TRAPPC9: variants seen among roughly 807,000 people sequenced by gnomAD.
The protein encoded by TRAPPC9 is IKK2 binding protein.
A neutral mutation model predicts 124.0 loss-of-function variants in TRAPPC9; 83 were observed. The ratio of observed to expected loss-of-function variants is 0.67; its 90% CI spans 0.56 to 0.80. TRAPPC9 has a LOEUF of 0.80. Ranked by LOEUF, TRAPPC9 falls within the 30% of genes least tolerant of loss-of-function variation. The pLI is 0.00. For synonymous variants in TRAPPC9, 638 were observed against 617.5 expected, an observed-to-expected ratio of 1.03 and a Z score of -0.49; for missense variants, 1,302 against 1,508.3, an observed-to-expected ratio of 0.86 and a Z score of 2.27.
chr8:140,272,244 G>T, intron 15 of TRAPPC9, among the ~76,000 whole-genome samples: 1 of 146,324 alleles, frequency 6.8e-6, no homozygotes, highest in African/African-American at 2.6e-5. Context: ...GTAGTGGTGG[G>T]GGTGGGGGTT....
At chr8:140,213,127 T>G (rs2063104647) in intron 17 of TRAPPC9, among the ~76,000 whole-genome samples, 1 of 151,990 alleles carries the variant, frequency 6.6e-6, no homozygotes, top group Non-Finnish European at 1.5e-5. Context: ...ATCTTCTTTT[T>G]TGTTGACTTT....
intron 17 of TRAPPC9, among the ~76,000 whole-genome samples, chr8:140,119,069 C>T (rs1470994798): frequency 1.3e-5 from 2 of 152,252 alleles, no homozygotes; most frequent in Non-Finnish European, 2.9e-5. Context: ...ATGTAAGCAT[C>T]TGCAGGAGAC....
chr8:140,412,382 C>T (rs939290006), intron 5 of TRAPPC9, among the ~76,000 whole-genome samples: 5 of 152,138 alleles, frequency 3.3e-5, no homozygotes, highest in African/African-American at 7.2e-5. Flanking sequence ...CACTAAATGC[C>T]GTGTGTGATC....
intron 18 of TRAPPC9, among the ~76,000 whole-genome samples, chr8:140,022,349 G>A (rs1006585289): frequency 6.6e-6 from 1 of 152,152 alleles, no homozygotes; most frequent in Non-Finnish European, 1.5e-5. Context: ...GCAGGGAAAA[G>A]AACCACGGAA....
chr8:140,200,492 C>A (rs547080541), intron 17 of TRAPPC9, among the ~76,000 whole-genome samples: 1 of 152,044 alleles, frequency 6.6e-6, no homozygotes, highest in Non-Finnish European at 1.5e-5. Flanking sequence ...CAAACACGAC[C>A]CCGGCCAGGC....
rs550614241 is a variant in TRAPPC9 at position 140,397,403 on chromosome 8, T to A, written c.1134+217A>T. 5.3e-5 allele frequency among the ~76,000 whole-genome samples: 8 copies of A among 151,492 alleles called. No individual in the cohort carries two copies. The East Asian group carries it at 7.8e-4, about 15-fold the overall frequency. Reference sequence around the variant, plus strand: ...TTCTCCAAAAAACAAACAAAAAAAATGCAAAGGACAGCAAGTTCTGAATTT... The same window carrying A: ...TTCTCCAAAAAACAAACAAAAAAAAAGCAAAGGACAGCAAGTTCTGAATTT... On this transcript the variant is annotated intron_variant, in intron 7 of 22. Transcript: ENST00000438773.
intron 7 of TRAPPC9, among the ~76,000 whole-genome samples, chr8:140,381,440 G>A (rs1276459932): frequency 6.6e-6 from 1 of 151,964 alleles, no homozygotes; most frequent in Non-Finnish European, 1.5e-5. Context: ...GGCCAAGGTG[G>A]GCGGATCATG....
intron 21 of TRAPPC9, among the ~76,000 whole-genome samples, chr8:139,740,524 G>A (rs929771355): frequency 1.3e-5 from 2 of 152,206 alleles, no homozygotes; most frequent in Non-Finnish European, 2.9e-5. Flanking sequence ...CTCACTCAGC[G>A]CCCACATCCT....
At chr8:139,755,582 A>G (rs13249575) in intron 21 of TRAPPC9, among the ~76,000 whole-genome samples, 106 of 57,442 alleles carry the variant, frequency 1.8e-3, no homozygotes, top group African/African-American at 3.6e-3. Context: ...GATGGGGTAT[A>G]AGGACAGCAG....
rs62529269 is a variant in TRAPPC9, at chr8:140,141,473, G to T, written c.2556+79986C>A. On this transcript the variant is annotated intron_variant, in intron 17 of 22. Coordinates refer to ENST00000438773, the MANE Select transcript of TRAPPC9 (RefSeq NM_001160372.4). ...ATCCACAGTTTCAGGCATCTGCTGGGGGTCTTGGAACACACACCCCCAAGG... is the reference window on the plus strand; with the variant it reads ...ATCCACAGTTTCAGGCATCTGCTGGTGGTCTTGGAACACACACCCCCAAGG... Among the ~76,000 whole-genome samples, 424 of 152,198 alleles carry T rather than the reference G, an allele frequency of 2.8e-3. 1 individual carries two copies. The highest frequency in any genetic ancestry group is 4.4e-3 in the Non-Finnish European group (298 of 67,998).
chr8:139,784,608 C>CTATATATATAT (rs1554643613), intron 21 of TRAPPC9, among the ~76,000 whole-genome samples: 1 of 88,678 alleles, frequency 1.1e-5, no homozygotes, highest in Non-Finnish European at 2.3e-5. Context: ...AAAAGACTGA[C>CTATATATATAT]ATATATATAT....
chr8:140,455,471 G>A (rs925258513), intron 1 of TRAPPC9, among the ~76,000 whole-genome samples: 9 of 148,480 alleles, frequency 6.1e-5, no homozygotes, highest in Non-Finnish European at 8.9e-5. Context: ...TCACTCTGTC[G>A]CCAGGCTGGA....
chr8:140,431,209 C>A (rs2070631501), intron 4 of TRAPPC9, among the ~76,000 whole-genome samples: 2 of 152,046 alleles, frequency 1.3e-5, no homozygotes, highest in Non-Finnish European at 2.9e-5. Flanking sequence ...GTAATCCCAG[C>A]ACTTTGGGAG....
intron 17 of TRAPPC9, 26 bp from the exon 18 acceptor site, chr8:140,024,105 C>T (rs779017909): frequency 1.1e-5 from 17 of 1,571,280 alleles, no homozygotes; most frequent in Admixed American, 5.1e-5. Context: ...AAAAAAAATA[C>T]ACACACACAC....
intron 19 of TRAPPC9, among the ~76,000 whole-genome samples, chr8:139,971,764 C>CATACACACACACAT (rs1554598203): frequency 2.5e-5 from 2 of 81,098 alleles, no homozygotes; most frequent in Non-Finnish European, 5.8e-5. Flanking sequence ...CACACACACA[C>CATACACACACACAT]ATATATATAT....
intron 17 of TRAPPC9, among the ~76,000 whole-genome samples, chr8:140,091,227 C>T (rs1332174146): frequency 6.6e-5 from 10 of 152,214 alleles, no homozygotes. Context: ...CCTGCCCCCT[C>T]ATCCTGCACC....
intron 8 of TRAPPC9, among the ~76,000 whole-genome samples, chr8:140,365,405 G>A (rs1177119208): frequency 6.6e-6 from 1 of 152,210 alleles, no homozygotes; most frequent in East Asian, 1.9e-4. Flanking sequence ...CCACTCACCA[G>A]GCTGTAAGAA....
intron 19 of TRAPPC9, among the ~76,000 whole-genome samples, chr8:139,948,295 ACT>A (rs1554678397): frequency 1.5e-5 from 2 of 137,848 alleles, no homozygotes; most frequent in Non-Finnish European, 3.2e-5. Flanking sequence ...ACACACACAC[ACT>A]GTGACGTACA....
intron 7 of TRAPPC9, among the ~76,000 whole-genome samples, chr8:140,383,647 G>T (rs1285062310): frequency 2.0e-5 from 3 of 152,212 alleles, no homozygotes; most frequent in Non-Finnish European, 4.4e-5. Context: ...AAGCCTCCAA[G>T]AAATACGGGA....
Sources: allele counts gnomAD v4.1 joint callset (sites outside exome capture counted in the v4.1 genomes callset), GRCh38; gene constraint gnomAD v4.1.1; transcripts MANE v1.5; gene names NCBI Gene and HGNC (gene_info 2026-07-23, HGNC 2026-07-21).